GALNT7: variants seen among roughly 807,000 people sequenced by gnomAD.
The protein encoded by GALNT7 is N-acetylgalactosaminyltransferase 7.
A neutral mutation model predicts 82.1 loss-of-function variants in GALNT7; 60 were observed. The observed-to-expected ratio is 0.73, with a 90% confidence interval of 0.59 to 0.91. The LOEUF (loss-of-function observed/expected upper bound fraction) is 0.91. Among genes scored for constraint, GALNT7 ranks in the 40% least tolerant of loss-of-function variants. GALNT7 has a pLI of 0.00. For synonymous variants in GALNT7, 243 were observed against 275.1 expected, an observed-to-expected ratio of 0.88 and a Z score of 1.15; for missense variants, 660 against 804.2, an observed-to-expected ratio of 0.82 and a Z score of 2.17.
intron 11 of GALNT7, among the ~76,000 whole-genome samples, 159 bp from the exon 12 acceptor site, chr4:173,321,395 TAGAAAACTGACAATCAAGAGAAATCC>T (rs1230999035): frequency 6.6e-6 from 1 of 152,092 alleles, no homozygotes. Flanking sequence ...TCTTAGGACT[TAGAAAACTGACAATCAAGAGAAATCC>T]AGAAAACTGA....
At chr4:173,198,465 C>T (rs1732847918) in intron 1 of GALNT7, among the ~76,000 whole-genome samples, 1 of 152,126 alleles carries the variant, frequency 6.6e-6, no homozygotes, top group African/African-American at 2.4e-5. Context: ...CTATGTGGCC[C>T]TTCCCAGAGT....
intron 1 of GALNT7, among the ~76,000 whole-genome samples, chr4:173,180,616 C>T (rs564708383): frequency 6.6e-6 from 1 of 152,350 alleles, no homozygotes; most frequent in East Asian, 1.9e-4. Context: ...GCGTGAGCCA[C>T]TGCACCTGCC....
intron 1 of GALNT7, among the ~76,000 whole-genome samples, chr4:173,222,381 C>T (rs946564328): frequency 3.9e-5 from 6 of 152,144 alleles, no homozygotes; most frequent in African/African-American, 1.4e-4. Flanking sequence ...CTAGGATTCT[C>T]CTGCCTCAGT....
intron 1 of GALNT7, among the ~76,000 whole-genome samples, chr4:173,173,922 C>T (rs1212686656): frequency 6.6e-6 from 1 of 152,150 alleles, no homozygotes; most frequent in East Asian, 1.9e-4. Flanking sequence ...CAGTCAAGTT[C>T]CACCTTACCA....
intron 1 of GALNT7, among the ~76,000 whole-genome samples, chr4:173,220,669 A>G (rs1225662288): frequency 9.7e-6 from 1 of 103,080 alleles, no homozygotes; most frequent in African/African-American, 3.8e-5. Context: ...ACCCCACAAC[A>G]GTCCCCAGAG....
In GALNT7 at chr4:173,323,519, G is replaced by T. The variant is rs1737897850; in HGVS notation, c.*1802G>T. The T allele has an allele frequency of 6.6e-6, 1 of 152,528 alleles. No homozygotes were observed. The allele number at this position is 152,528 out of a possible 1,614,324, so 9.4% of individuals were successfully genotyped here. A position where few individuals can be genotyped will look rare whatever the true frequency, so the allele number is the denominator to read the frequency against. Reference sequence around the variant, plus strand: ...TAATTACTTGTGTGTTTGCAAATAGGCTCCATTTTCCATGTTGAGTAGATT... The same window carrying T: ...TAATTACTTGTGTGTTTGCAAATAGTCTCCATTTTCCATGTTGAGTAGATT... On this transcript the variant is annotated 3_prime_UTR_variant, in exon 12 of 12. Coordinates refer to ENST00000265000, the MANE Select transcript of GALNT7 (RefSeq NM_017423.3).
intron 1 of GALNT7, among the ~76,000 whole-genome samples, chr4:173,207,238 T>C (rs1561154148): frequency 6.6e-6 from 1 of 152,352 alleles, no homozygotes; most frequent in East Asian, 1.9e-4. Context: ...GCTGTTCTAG[T>C]GTGTGCTACC....
chr4:173,174,894 G>A (rs1731986385), intron 1 of GALNT7, among the ~76,000 whole-genome samples: 2 of 152,194 alleles, frequency 1.3e-5, no homozygotes, highest in Non-Finnish European at 1.5e-5. Flanking sequence ...ACTTAGGCTG[G>A]TTGCATGGGA....
chr4:173,319,285 T>G (rs1437518720), intron 11 of GALNT7, among the ~76,000 whole-genome samples: 1 of 152,150 alleles, frequency 6.6e-6, no homozygotes, highest in East Asian at 1.9e-4. Context: ...TAAAAAAATC[T>G]GTCAACCCTC....
intron 1 of GALNT7, among the ~76,000 whole-genome samples, chr4:173,203,022 T>A (rs1451928535): frequency 1.3e-5 from 2 of 152,196 alleles, no homozygotes; most frequent in African/African-American, 4.8e-5. Context: ...ATGGATTTTT[T>A]TTTTTTTCAT....
intron 11 of GALNT7, among the ~76,000 whole-genome samples, chr4:173,319,018 T>C (rs1236737417): frequency 6.6e-6 from 1 of 152,102 alleles, no homozygotes; most frequent in Non-Finnish European, 1.5e-5. Context: ...ATCTAGGCTT[T>C]CATAACGTCT....
intron 8 of GALNT7, among the ~76,000 whole-genome samples, chr4:173,306,478 A>G (rs554782804): frequency 2.0e-5 from 3 of 152,280 alleles, no homozygotes; most frequent in African/African-American, 7.2e-5. Flanking sequence ...ACTTTTCATC[A>G]TTGAGTATAA....
intron 2 of GALNT7, among the ~76,000 whole-genome samples, chr4:173,251,592 A>G (rs1448661508): frequency 1.3e-5 from 2 of 152,066 alleles, no homozygotes; most frequent in African/African-American, 4.8e-5. Flanking sequence ...TTTCAGACAC[A>G]CTGATTTCCA....
At chr4:173,232,770 C>A (rs971028035) in intron 1 of GALNT7, among the ~76,000 whole-genome samples, 5 of 152,108 alleles carry the variant, frequency 3.3e-5, no homozygotes, top group Non-Finnish European at 7.4e-5. Context: ...ATCTTTTCTT[C>A]TAGCTATTTT....
At chr4:173,174,859 CT>C (rs1013919918) in intron 1 of GALNT7, among the ~76,000 whole-genome samples, 1 of 152,190 alleles carries the variant, frequency 6.6e-6, no homozygotes, top group East Asian at 1.9e-4. Context: ...AGAATGAAAA[CT>C]TTTGAACAGC....
In GALNT7 at chr4:173,188,048, T is replaced by C. The variant is rs186071483; in HGVS notation, c.126+19087T>C. Among the ~76,000 whole-genome samples, 360 of 152,332 alleles carry C rather than the reference T, an allele frequency of 2.4e-3. 1 individual carries two copies. The highest frequency in any genetic ancestry group is 8.2e-3 in the African/African-American group (341 of 41,570). On this transcript the variant is annotated intron_variant, in intron 1 of 11. Coordinates refer to ENST00000265000, the MANE Select transcript of GALNT7 (RefSeq NM_017423.3). Reference sequence around the variant, plus strand: ...GACATTATGCATTTATTTATACTTATATACTAATACAACAGGTCAGCACAG... The same window carrying C: ...GACATTATGCATTTATTTATACTTACATACTAATACAACAGGTCAGCACAG...
At chr4:173,180,069 T>C (rs1335309547) in intron 1 of GALNT7, among the ~76,000 whole-genome samples, 1 of 152,156 alleles carries the variant, frequency 6.6e-6, no homozygotes, top group East Asian at 1.9e-4. Flanking sequence ...ATAAAAGATA[T>C]CTGAGTAATG....
rs367554632 is a variant in GALNT7 at position 173,220,944 on chromosome 4, T to C, written c.127-27036T>C. 2.7e-4 allele frequency among the ~76,000 whole-genome samples: 41 copies of C among 152,022 alleles called. 1 individual carries two copies. In the East Asian group the frequency reaches 5.0e-3, roughly 19 times the overall value. On this transcript the variant is annotated intron_variant, in intron 1 of 11. Coordinates refer to ENST00000265000, the MANE Select transcript of GALNT7 (RefSeq NM_017423.3). ...GGTTCCAAGTCTTTGCTATTGTGGA[T>C]AGTGCCGCAATAAACATACGTGTGC...
intron 1 of GALNT7, among the ~76,000 whole-genome samples, chr4:173,233,867 A>G (rs189715863): frequency 6.6e-6 from 1 of 152,162 alleles, no homozygotes; most frequent in African/African-American, 2.4e-5. Context: ...TCCACTTCAT[A>G]TTTCTTCCAG....
Sources: gnomAD v4.1 joint callset for allele counts (sites outside exome capture counted in the v4.1 genomes callset) on GRCh38, gnomAD v4.1.1 for gene constraint, MANE v1.5 for transcripts, NCBI Gene and HGNC (gene_info 2026-07-23, HGNC 2026-07-21) for gene names.